GPM6A: variants seen among roughly 807,000 people sequenced by gnomAD.
GPM6A encodes glycoprotein M6A, also known as neuronal membrane glycoprotein M6-a.
GPM6A carries 7 observed loss-of-function variants against 32.1 expected under a neutral mutation model. The observed-to-expected ratio is 0.22, with a 90% confidence interval of 0.12 to 0.41. GPM6A has a LOEUF of 0.41. Ranked by LOEUF, GPM6A falls within the 10% of genes least tolerant of loss-of-function variation. The pLI is 1.00. For synonymous variants in GPM6A, 130 were observed against 123.4 expected, an observed-to-expected ratio of 1.05 and a Z score of -0.35; for missense variants, 235 against 347.2, an observed-to-expected ratio of 0.68 and a Z score of 2.57.
At chr4:175,879,483 AGG>A (rs1737198734) in intron 1 of GPM6A, among the ~76,000 whole-genome samples, 1 of 152,192 alleles carries the variant, frequency 6.6e-6, no homozygotes, top group South Asian at 2.1e-4. Flanking sequence ...ACAGGGCGGC[AGG>A]AGAGAGAATG....
At chr4:175,987,994 A>G (rs1246171654) in intron 1 of GPM6A, among the ~76,000 whole-genome samples, 5 of 149,962 alleles carry the variant, frequency 3.3e-5, no homozygotes, top group African/African-American at 1.3e-4. Context: ...GTGAAAAGAG[A>G]AAAAATCCAT....
chr4:175,944,962 C>T (rs1203479842), intron 1 of GPM6A, among the ~76,000 whole-genome samples: 2 of 151,594 alleles, frequency 1.3e-5, no homozygotes, highest in African/African-American at 2.4e-5. Context: ...TTTGTTTTTT[C>T]GGTCCCCAAA....
chr4:175,790,483 A>AT (rs1328993964), intron 1 of GPM6A: 1 of 152,182 alleles, frequency 6.6e-6, no homozygotes, highest in Non-Finnish European at 1.5e-5. Context: ...GATTCTTTTT[A>AT]TCCTCTGCCT....
intron 1 of GPM6A, among the ~76,000 whole-genome samples, chr4:175,714,309 A>T (rs1745716647): frequency 6.6e-6 from 1 of 152,258 alleles, no homozygotes; most frequent in Non-Finnish European, 1.5e-5. Context: ...TATACAGTTT[A>T]TAACTATATC....
At chr4:175,654,572 A>G (rs1414197633) in intron 3 of GPM6A, among the ~76,000 whole-genome samples, 1 of 152,164 alleles carries the variant, frequency 6.6e-6, no homozygotes, top group Non-Finnish European at 1.5e-5. Flanking sequence ...TATAGAATAA[A>G]GGAATTAGAT....
intron 3 of GPM6A, among the ~76,000 whole-genome samples, chr4:175,665,152 C>T (rs1208514427): frequency 6.6e-6 from 1 of 152,210 alleles, no homozygotes; most frequent in African/African-American, 2.4e-5. Context: ...TGTGTGCCCA[C>T]AATGTGTACT....
chr4:175,658,107 T>A (rs1742189899), intron 3 of GPM6A, among the ~76,000 whole-genome samples: 1 of 152,292 alleles, frequency 6.6e-6, no homozygotes, highest in East Asian at 1.9e-4. Flanking sequence ...TCTTTTTAAG[T>A]GATTTGTTAC....
At chr4:175,965,115 A>T (rs1740292917) in intron 1 of GPM6A, among the ~76,000 whole-genome samples, 1 of 152,214 alleles carries the variant, frequency 6.6e-6, no homozygotes, top group African/African-American at 2.4e-5. Flanking sequence ...CAGACTACCC[A>T]TTCTTCTCAA....
chr4:175,909,239 G>C (rs1579617870), intron 1 of GPM6A, among the ~76,000 whole-genome samples: 1 of 139,664 alleles, frequency 7.2e-6, no homozygotes, highest in East Asian at 3.4e-4. Flanking sequence ...GACTGAAAAA[G>C]GCAAATTTAG....
intron 1 of GPM6A, among the ~76,000 whole-genome samples, chr4:175,878,627 A>G (rs1737164450): frequency 6.6e-6 from 1 of 151,942 alleles, no homozygotes; most frequent in African/African-American, 2.4e-5. Context: ...GCCTGGCTCA[A>G]AAGATCATTT....
chr4:175,711,736 G>T (rs1056926349), intron 1 of GPM6A, among the ~76,000 whole-genome samples: 11 of 150,590 alleles, frequency 7.3e-5, no homozygotes, highest in Non-Finnish European at 1.6e-4. Context: ...TGGGGAGGCT[G>T]GCCTCTTCTG....
rs182593326 is a variant in GPM6A, at chr4:175,993,825, A to G, written c.-23+8484T>C. Among the ~76,000 whole-genome samples, 377 of 152,302 alleles carry G rather than the reference A, an allele frequency of 2.5e-3. 2 individuals carry two copies. The highest frequency in any genetic ancestry group is 8.5e-3 in the African/African-American group (355 of 41,570). ...AATGCAAGGAGGAAGCAGCTGACAT[A>G]CCAGACACAGAGAGACATAAAAGAA... On this transcript the variant is annotated intron_variant, in intron 1 of 7. Coordinates refer to the GPM6A transcript ENST00000280187.
intron 2 of GPM6A, among the ~76,000 whole-genome samples, chr4:175,689,429 T>G (rs1000649777): frequency 6.7e-6 from 1 of 149,050 alleles, no homozygotes; most frequent in Non-Finnish European, 1.5e-5. Flanking sequence ...CCCTCCTTGG[T>G]TAAGTTTATT....
At chr4:175,637,132 A>G (rs1394266908) in intron 6 of GPM6A, among the ~76,000 whole-genome samples, 7 of 118,364 alleles carry the variant, frequency 5.9e-5, no homozygotes, top group Non-Finnish European at 1.0e-4. Flanking sequence ...AATATATAAT[A>G]TATTATATAT....
chr4:175,673,607 G>T, intron 3 of GPM6A, 73 bp downstream of exon 3: 1 of 1,029,044 alleles, frequency 9.7e-7, no homozygotes, highest in Non-Finnish European at 1.4e-6. Flanking sequence ...TAATTCTTGG[G>T]AGATGAATGC....
At chr4:175,888,761 CTATAAT>C (rs1306239394) in intron 1 of GPM6A, among the ~76,000 whole-genome samples, 1 of 152,006 alleles carries the variant, frequency 6.6e-6, no homozygotes, top group African/African-American at 2.4e-5. Flanking sequence ...GATATTTTCC[CTATAAT>C]TGTATAAACT....
At chr4:175,678,308 C>G (rs1743491240) in intron 2 of GPM6A, among the ~76,000 whole-genome samples, 1 of 152,064 alleles carries the variant, frequency 6.6e-6, no homozygotes. Flanking sequence ...ATTTCTGCAG[C>G]CTTGATACTG....
chr4:175,754,368 G>A (rs2111195181), intron 1 of GPM6A, among the ~76,000 whole-genome samples: 1 of 152,226 alleles, frequency 6.6e-6, no homozygotes, highest in East Asian at 1.9e-4. Flanking sequence ...CACATGAAAA[G>A]TAGATCCTTT....
intron 1 of GPM6A, among the ~76,000 whole-genome samples, chr4:175,888,021 G>C (rs1737518076): frequency 6.6e-6 from 1 of 151,632 alleles, no homozygotes; most frequent in Admixed American, 6.6e-5. Context: ...AGACAGGTAA[G>C]GACATCATCA....
Sources: allele counts gnomAD v4.1 joint callset (sites outside exome capture counted in the v4.1 genomes callset), GRCh38; gene constraint gnomAD v4.1.1; transcripts MANE v1.5; gene names NCBI Gene and HGNC (gene_info 2026-07-23, HGNC 2026-07-21).